SLC8A2: variants seen among roughly 807,000 people sequenced by gnomAD.
SLC8A2 encodes sodium/calcium exchanger 2.
Under a neutral mutation model 70.2 loss-of-function variants are expected in SLC8A2, and 14 were observed. The ratio of observed to expected loss-of-function variants is 0.20; its 90% CI spans 0.13 to 0.31. The LOEUF (loss-of-function observed/expected upper bound fraction) is 0.31. Ranked by LOEUF, SLC8A2 falls within the 10% of genes least tolerant of loss-of-function variation. The pLI, the probability that SLC8A2 is intolerant of heterozygous loss-of-function variation, is 1.00. For missense variants in SLC8A2, 779 were observed against 1,320.1 expected, an observed-to-expected ratio of 0.59 and a Z score of 6.35; for synonymous variants, 575 against 594.3, an observed-to-expected ratio of 0.97 and a Z score of 0.47.
chr19:47,470,140 G>A (rs955967541), intron 1 of SLC8A2, among the ~76,000 whole-genome samples: 1 of 152,214 alleles, frequency 6.6e-6, no homozygotes, highest in Admixed American at 6.5e-5. Context: ...CATGAGCGCA[G>A]GCGCTCCCAT....
intron 6 of SLC8A2, among the ~76,000 whole-genome samples, chr19:47,439,307 C>T (rs1967069598): frequency 6.6e-6 from 1 of 152,146 alleles, no homozygotes; most frequent in South Asian, 2.1e-4. Flanking sequence ...GCAGGTGGAT[C>T]ACCTGAGGTC....
In SLC8A2 at chr19:47,468,498, G is replaced by A. The variant is rs1397907805; in HGVS notation, c.-16-2079C>T. 6.6e-6 allele frequency among the ~76,000 whole-genome samples: 1 copy of A among 152,134 alleles called. No homozygotes were observed. The highest frequency in any genetic ancestry group is 2.4e-5 in the African/African-American group (1 of 41,442). On this transcript the variant is annotated intron_variant, in intron 1 of 9. Coordinates refer to ENST00000236877, the MANE Select transcript of SLC8A2 (RefSeq NM_015063.3). The surrounding 1 kb of genome is among the most constrained non-coding windows in gnomAD (Gnocchi z 5.1). ...GAGCCGGGAGTCTCTATGTTGCCCA[G>A]GCTGTTTTTGAACTCCTGGGTTCAG...
Position 47,430,504 on chromosome 19 carries a change from C to A in SLC8A2, c.2390-39G>T. The A allele has an allele frequency of 1.3e-6, 2 of 1,536,138 alleles. No homozygotes were observed. Among genetic ancestry groups the A allele is most frequent in the Non-Finnish European group, 1.7e-6 (2 of 1,145,562 alleles). The stretch of plus-strand genomic sequence containing the variant: ...ACATACAGGTCGGAGGGGCTTTGCG[C>A]CGCCACCCACAGGGGCGGGCATCCG... On this transcript the variant is annotated intron_variant, in intron 9 of 9. Transcript: ENST00000236877. The surrounding 1 kb of genome is among the most constrained non-coding windows in gnomAD (Gnocchi z 5.9).
rs192614682 is a variant in SLC8A2, at chr19:47,431,245, T to C, written c.2390-780A>G. Among the ~76,000 whole-genome samples, 1,325 of 150,906 alleles carry C rather than the reference T, an allele frequency of 8.8e-3. 48 individuals carry two copies. The highest frequency in any genetic ancestry group is 0.071 in the Admixed American group (1,079 of 15,166). ...GGTTTCACCATGTTGCCCAGGCTGG[T>C]CTCAAACTCCTGGGCCCAAGCAATC... On this transcript the variant is annotated intron_variant, in intron 9 of 9. Coordinates refer to ENST00000236877, the MANE Select transcript of SLC8A2 (RefSeq NM_015063.3).
Position 47,448,707 on chromosome 19 carries a change from G to GTTTAGA in SLC8A2, c.1341-477_1341-476insTCTAAA, listed in dbSNP as rs1967200423. On this transcript the variant is annotated intron_variant, in intron 3 of 9. Coordinates refer to ENST00000236877, the MANE Select transcript of SLC8A2 (RefSeq NM_015063.3). The surrounding 1 kb of genome is among the most constrained non-coding windows in gnomAD (Gnocchi z 4.8). Reference sequence around the variant, plus strand: ...CAGATTCTGGTTTAGAAGCTCCCGGGTTTCTAGAATCGCATTTCTAACGAG... The same window carrying GTTTAGA: ...CAGATTCTGGTTTAGAAGCTCCCGGGTTTAGATTTCTAGAATCGCATTTCTAACGAG... 6.6e-6 allele frequency among the ~76,000 whole-genome samples: 1 copy of GTTTAGA among 152,144 alleles called. No homozygotes were observed. Among genetic ancestry groups the GTTTAGA allele is most frequent in the Non-Finnish European group, 1.5e-5 (1 of 68,024 alleles).
rs751284438 is a variant in SLC8A2, at chr19:47,441,196, G to A, written c.1868-10C>T. Reference sequence around the variant, plus strand: ...TGATTGAGTAGCAGAGCTGGGGAGAGACAGAGACAGGCAGACAGTGAGATC... The same window carrying A: ...TGATTGAGTAGCAGAGCTGGGGAGAAACAGAGACAGGCAGACAGTGAGATC... On this transcript the variant is annotated splice_polypyrimidine_tract_variant and intron_variant, in intron 5 of 9. Transcript: ENST00000236877. 3 of 1,613,990 alleles carry A rather than the reference G, an allele frequency of 1.9e-6. No homozygotes were observed. The highest frequency in any genetic ancestry group is 2.5e-6 in the Non-Finnish European group (3 of 1,179,938).
chr19:47,462,078 C>G (rs1967402047), intron 2 of SLC8A2, among the ~76,000 whole-genome samples: 1 of 152,196 alleles, frequency 6.6e-6, no homozygotes, highest in African/African-American at 2.4e-5. Context: ...CACATGCCGG[C>G]TCATTTCAGA....
chr19:47,442,321 T>C (rs929603341), intron 4 of SLC8A2, among the ~76,000 whole-genome samples: 1 of 152,152 alleles, frequency 6.6e-6, no homozygotes, highest in Non-Finnish European at 1.5e-5. Flanking sequence ...GTGATCCTGA[T>C]AGAACCAAAG....
intron 8 of SLC8A2, among the ~76,000 whole-genome samples, chr19:47,436,378 GTGTCCCTGGCAA>G (rs1967029326): frequency 6.6e-6 from 1 of 152,148 alleles, no homozygotes; most frequent in African/African-American, 2.4e-5. Flanking sequence ...AATCACTTCT[GTGTCCCTGGCAA>G]TGTCTCACAT....
intron 3 of SLC8A2, among the ~76,000 whole-genome samples, chr19:47,449,745 G>A (rs557777330): frequency 3.9e-4 from 59 of 152,294 alleles, no homozygotes; most frequent in Middle Eastern, 3.4e-3. Flanking sequence ...ACTGCAGGGA[G>A]ACCAGCATGA....
intron 8 of SLC8A2, among the ~76,000 whole-genome samples, chr19:47,433,045 C>A (rs1270476831): frequency 6.6e-6 from 1 of 152,056 alleles, no homozygotes; most frequent in Non-Finnish European, 1.5e-5. Context: ...CAAGTCAATG[C>A]TAAAAACAGT....
In SLC8A2 at chr19:47,468,171, C is replaced by T. The variant is rs979868660; in HGVS notation, c.-16-1752G>A. Among the ~76,000 whole-genome samples, 2 of 151,974 alleles carry T rather than the reference C, an allele frequency of 1.3e-5. No individual in the cohort carries two copies. Among genetic ancestry groups the T allele is most frequent in the Admixed American group, 1.3e-4 (2 of 15,232 alleles). ...CCGACTCCCTCTCTGGCCTCTTTTC[C>T]CACCCTCTCCCCCTTGCCCAGTCTG... On this transcript the variant is annotated intron_variant, in intron 1 of 9. Transcript: ENST00000236877. The surrounding 1 kb of genome is among the most constrained non-coding windows in gnomAD (Gnocchi z 5.1).
Position 47,430,305 on chromosome 19 carries a change from C to G in SLC8A2, c.2550G>C (p.Val850=), listed in dbSNP as rs1296741840. The G allele has an allele frequency of 6.2e-7, 1 of 1,612,494 alleles. No homozygotes were observed. Among genetic ancestry groups the G allele is most frequent in the Admixed American group, 1.7e-5 (1 of 59,906 alleles). ...YWAVQGRPFE[V]RTGTLAFSVT... The stretch of plus-strand genomic sequence containing the variant: ...CGGAGAAGGCCAGCGTGCCAGTGCG[C>G]ACCTCGAAGGGGCGGCCCTGCACCG... The change falls in exon 10 of 10, where the codon GTG becomes GTC. Residue 850 remains valine, a synonymous_variant. Coordinates refer to ENST00000236877, the MANE Select transcript of SLC8A2 (RefSeq NM_015063.3). The surrounding 1 kb of genome is among the most constrained non-coding windows in gnomAD (Gnocchi z 5.9).
chr19:47,461,810 G>T (rs1967398737), intron 2 of SLC8A2, among the ~76,000 whole-genome samples: 1 of 152,140 alleles, frequency 6.6e-6, no homozygotes, highest in African/African-American at 2.4e-5. Flanking sequence ...CTTCCTCCCT[G>T]CAGGTCAATA....
rs148486399 is a variant in SLC8A2, at chr19:47,466,134, G to A, written c.270C>T (p.Ala90=). The A allele has an allele frequency of 1.3e-4, 203 of 1,614,186 alleles. No homozygotes were observed. The highest frequency in any genetic ancestry group is 4.9e-4 in the Middle Eastern group (3 of 6,062). The change falls in exon 2 of 10, where the codon GCC becomes GCT. Residue 90 remains alanine (A), a synonymous_variant. Transcript: ENST00000236877. The surrounding 1 kb of genome is among the most constrained non-coding windows in gnomAD (Gnocchi z 6.9). ...CCTCGATGGCCGCCATGAAACGGTC[G>A]GCGATGATGGACACTCCCAGAAACA... ...VYMFLGVSII[A]DRFMAAIEVI... is the part of the protein sequence containing the mutation.
In SLC8A2 at chr19:47,430,728, T is replaced by G. The variant is rs748082773; in HGVS notation, c.2390-263A>C. ...TCTTCTATGGGACTCACTGCGTGAT[T>G]TCTTTTTTTTTCCTCCGAGACGGAG... On this transcript the variant is annotated intron_variant, in intron 9 of 9. Transcript: ENST00000236877. The surrounding 1 kb of genome is among the most constrained non-coding windows in gnomAD (Gnocchi z 5.9). Among the ~76,000 whole-genome samples, 5 of 152,208 alleles carry G rather than the reference T, an allele frequency of 3.3e-5. No homozygotes were observed. The highest frequency in any genetic ancestry group is 7.3e-5 in the Non-Finnish European group (5 of 68,032).
intron 3 of SLC8A2, among the ~76,000 whole-genome samples, chr19:47,453,712 A>G (rs530867571): frequency 1.1e-4 from 16 of 152,122 alleles, no homozygotes; most frequent in Non-Finnish European, 2.4e-4. Flanking sequence ...ACCAGCCTAG[A>G]CAACATGGTG....
At chr19:47,431,164 G>T (rs1966953132) in intron 9 of SLC8A2, among the ~76,000 whole-genome samples, 1 of 151,708 alleles carries the variant, frequency 6.6e-6, no homozygotes, top group African/African-American at 2.4e-5. Flanking sequence ...GAGCAGCTGG[G>T]ATCACAGGCA....
At position 47,432,858 on chromosome 19, in the gene SLC8A2, G is replaced by C. The variant is rs767943253; in HGVS notation, c.2111-413C>G. Among the ~76,000 whole-genome samples, 2 of 151,692 alleles carry C rather than the reference G, an allele frequency of 1.3e-5. No individual in the cohort carries two copies. Among genetic ancestry groups the C allele is most frequent in the Non-Finnish European group, 2.9e-5 (2 of 67,982 alleles). ...CTTTCCCTGCATCCTTTGAAGCTAG[G>C]AGTGTGAATGGGCCCAGGTGACAAA... is the stretch of plus-strand genomic sequence containing the variant. On this transcript the variant is annotated intron_variant, in intron 8 of 9. Coordinates refer to ENST00000236877, the MANE Select transcript of SLC8A2 (RefSeq NM_015063.3). This position sits in a 1 kb window ranked among gnomAD's most constrained non-coding sequence, Gnocchi z 6.2.
Sources: allele counts gnomAD v4.1 joint callset (sites outside exome capture counted in the v4.1 genomes callset), GRCh38; gene constraint gnomAD v4.1.1; non-coding constraint Gnocchi (gnomAD v3.1); transcripts MANE v1.5; gene names NCBI Gene and HGNC (gene_info 2026-07-23, HGNC 2026-07-21).